Variants in DRICH1 observed in about 807,000 individuals in gnomAD.
DRICH1 encodes the protein aspartate-rich protein 1.
A neutral mutation model predicts 39.5 loss-of-function variants in DRICH1; 38 were observed. The ratio of observed to expected loss-of-function variants is 0.96; its 90% CI spans 0.74 to 1.26. DRICH1 has a LOEUF of 1.26. DRICH1 is among the 50% of genes most tolerant of loss of function. The pLI is 0.00. For missense variants in DRICH1, 279 were observed against 270.4 expected, an observed-to-expected ratio of 1.03 and a Z score of -0.22; for synonymous variants, 84 against 99.5, an observed-to-expected ratio of 0.84 and a Z score of 0.93.
chr22:23,600,972 G>A, the DRICH1 span, among the ~76,000 whole-genome samples: 2 of 151,994 alleles, frequency 1.3e-5, no homozygotes, highest in African/African-American at 2.4e-5. Context: ...GCACCTGGCC[G>A]GCAATTTCTA....
chr22:23,606,944 C>G (rs1926763541), downstream of DRICH1: 1 of 152,686 alleles, frequency 6.5e-6, no homozygotes, highest in African/African-American at 2.4e-5. Context: ...GTCAAACCCA[C>G]CAAGTTGCTC....
chr22:23,600,676 CTT>C, the DRICH1 span, among the ~76,000 whole-genome samples: 9 of 109,580 alleles, frequency 8.2e-5, no homozygotes, highest in Non-Finnish European at 9.4e-5. Flanking sequence ...AATTTTTTTT[CTT>C]TTTTTTTTTT....
the DRICH1 span, among the ~76,000 whole-genome samples, chr22:23,592,642 GGCT>G: frequency 6.6e-6 from 1 of 152,108 alleles, no homozygotes; most frequent in South Asian, 2.1e-4. Flanking sequence ...GGCAGAGAGA[GGCT>G]GATATTGGGC....
chr22:23,618,365 C>T (rs571545467), intron 6 of DRICH1, among the ~76,000 whole-genome samples: 9 of 152,140 alleles, frequency 5.9e-5, no homozygotes, highest in African/African-American at 1.4e-4. Context: ...CCACCCACCT[C>T]GGCCTCCCAA....
At position 23,608,607 on chromosome 22, in the gene DRICH1, G is replaced by A; in HGVS notation, c.*157C>T. On this transcript the variant is annotated 3_prime_UTR_variant, in exon 12 of 12. Transcript: ENST00000317749. ...AGGCCAAACCTAGTGCTGGCGGTGG[G>A]TGGGAAGCAGCCTTGGACTTTTTCT... is the stretch of plus-strand genomic sequence containing the variant. The A allele has an allele frequency of 2.7e-6, 2 of 736,774 alleles. No individual in the cohort carries two copies. Among genetic ancestry groups the A allele is most frequent in the Admixed American group, 2.2e-5 (1 of 46,066 alleles). The allele number at this position is 736,774 out of a possible 1,614,324, so 45.6% of individuals were successfully genotyped here. A position where few individuals can be genotyped will look rare whatever the true frequency, so the allele number is the denominator to read the frequency against.
downstream of DRICH1, among the ~76,000 whole-genome samples, chr22:23,607,856 C>T (rs1199407033): frequency 6.6e-6 from 1 of 152,198 alleles, no homozygotes; most frequent in African/African-American, 2.4e-5. Flanking sequence ...CCAAGGGGAG[C>T]TCCTGAGGAC....
At chr22:23,611,392 A>T (rs1283423109) in intron 11 of DRICH1, among the ~76,000 whole-genome samples, 204 of 138,046 alleles carry the variant, frequency 1.5e-3, no homozygotes, top group African/African-American at 2.1e-3. Flanking sequence ...ATTTTCATTC[A>T]TTTTTTTTTT....
the DRICH1 span, among the ~76,000 whole-genome samples, chr22:23,587,956 T>G: frequency 6.6e-6 from 1 of 152,134 alleles, no homozygotes; most frequent in African/African-American, 2.4e-5. Context: ...TCTGATCAAA[T>G]TCCCAATCCC....
At chr22:23,620,269 G>C (rs1299627791) in intron 5 of DRICH1, among the ~76,000 whole-genome samples, 1 of 152,022 alleles carries the variant, frequency 6.6e-6, no homozygotes, top group Non-Finnish European at 1.5e-5. Flanking sequence ...CTCAAGTCTT[G>C]TTGCCCACCT....
chr22:23,632,436 C>A (rs1921014676), upstream of DRICH1: 3 of 250,900 alleles, frequency 1.2e-5, no homozygotes, highest in South Asian at 1.5e-4. Flanking sequence ...CCACAGCCCC[C>A]CCCAATGCCT....
At chr22:23,620,515 A>T in intron 5 of DRICH1, 79 bp downstream of exon 5, 1 of 1,491,670 alleles carries the variant, frequency 6.7e-7, no homozygotes, top group African/African-American at 1.4e-5. Flanking sequence ...TATTTTTAAC[A>T]GGAACCCAGA....
chr22:23,588,270 G>A, the DRICH1 span, among the ~76,000 whole-genome samples: 2 of 152,124 alleles, frequency 1.3e-5, no homozygotes, highest in African/African-American at 4.8e-5. Context: ...GGGATTACAG[G>A]TACCCATGGC....
At chr22:23,625,609 TA>T (rs1410684661) in intron 2 of DRICH1, among the ~76,000 whole-genome samples, 1 of 152,114 alleles carries the variant, frequency 6.6e-6, no homozygotes, top group Non-Finnish European at 1.5e-5. Flanking sequence ...ATAAGTCAAA[TA>T]CTTGAAGAGA....
chr22:23,594,278 A>C, the DRICH1 span, among the ~76,000 whole-genome samples: 1,146 of 152,258 alleles, frequency 7.5e-3, 13 homozygotes, highest in South Asian at 0.046. Flanking sequence ...ACAACAACAA[A>C]AAAAAGTTGG....
At chr22:23,629,542 A>C (rs1227620571) in intron 1 of DRICH1, among the ~76,000 whole-genome samples, 2 of 152,138 alleles carry the variant, frequency 1.3e-5, no homozygotes, top group African/African-American at 2.4e-5. Context: ...CCAGGCTAAT[A>C]ATAATATTGT....
chr22:23,592,034 C>T, the DRICH1 span, among the ~76,000 whole-genome samples: 2 of 152,190 alleles, frequency 1.3e-5, no homozygotes, highest in Non-Finnish European at 2.9e-5. Flanking sequence ...TCTGTGGCTA[C>T]GCGAGGGGTG....
chr22:23,581,443 T>C, the DRICH1 span: 12 of 152,164 alleles, frequency 7.9e-5, no homozygotes, highest in African/African-American at 2.7e-4. Context: ...CACCCAAGAG[T>C]CTCAGGTTCC....
At chr22:23,618,805 T>A (rs186974769) in intron 6 of DRICH1, among the ~76,000 whole-genome samples, 1 of 152,250 alleles carries the variant, frequency 6.6e-6, no homozygotes, top group Non-Finnish European at 1.5e-5. Flanking sequence ...CGGGGGTGAT[T>A]TTTGGTTAAC....
At position 23,632,190 on chromosome 22, in the gene DRICH1, C is replaced by T; in HGVS notation, c.-167G>A. 8.8e-7 allele frequency: 1 copy of T among 1,132,802 alleles called. No individual in the cohort carries two copies. The highest frequency in any genetic ancestry group is 1.6e-5 in the South Asian group (1 of 62,100). 70.2% of individuals were successfully genotyped at this position (1,132,802 alleles called of 1,614,324 possible). ...ATTCTGCCGCCACCTCCCAAACTAG[C>T]TGGTCTATGAGGTCAGGGACCTGCT... On this transcript the variant is annotated 5_prime_UTR_variant, in exon 1 of 12. Coordinates refer to ENST00000317749, the MANE Select transcript of DRICH1 (RefSeq NM_016449.4).
Sources: gnomAD v4.1 joint callset for allele counts (sites outside exome capture counted in the v4.1 genomes callset) on GRCh38, gnomAD v4.1.1 for gene constraint, MANE v1.5 for transcripts, NCBI Gene and HGNC (gene_info 2026-07-23, HGNC 2026-07-21) for gene names.